The following SNTB1 variants were observed in gnomAD, a reference collection of about 807,000 sequenced individuals.
SNTB1 encodes the protein beta-1-syntrophin.
A neutral mutation model predicts 48.9 loss-of-function variants in SNTB1; 36 were observed. That is an observed-to-expected ratio of 0.74 (90% confidence interval 0.56 to 0.97). The LOEUF (loss-of-function observed/expected upper bound fraction) is 0.97. SNTB1 is among the 50% of genes least tolerant of loss of function. The pLI is 0.00. For missense variants in SNTB1, 786 were observed against 703.4 expected (o/e 1.12, Z -1.33); for synonymous variants, 299 against 294.6 (o/e 1.01, Z -0.15).
Position 120,755,532 on chromosome 8 carries a change from A to T in SNTB1, c.571+55741T>A, listed in dbSNP as rs983645059. 1.6e-4 allele frequency among the ~76,000 whole-genome samples: 25 copies of T among 152,130 alleles called. 2 individuals carry two copies. The highest frequency in any genetic ancestry group is 1.6e-3 in the Admixed American group (24 of 15,262). On this transcript the variant is annotated intron_variant, in intron 1 of 6. Coordinates refer to ENST00000517992, the MANE Select transcript of SNTB1 (RefSeq NM_021021.4). ...ATTTATGTGAAGTACATTTGAGTTCAATGTGAAAAGGGGCAATTTAATGAA... is the reference window on the plus strand; with the variant it reads ...ATTTATGTGAAGTACATTTGAGTTCTATGTGAAAAGGGGCAATTTAATGAA...
chr8:120,670,728 G>A (rs1426265303), intron 2 of SNTB1, among the ~76,000 whole-genome samples: 1 of 152,222 alleles, frequency 6.6e-6, no homozygotes, highest in African/African-American at 2.4e-5. Context: ...GGAGGGGCAA[G>A]ATTTCAGTGG....
intron 2 of SNTB1, among the ~76,000 whole-genome samples, chr8:120,670,631 C>T (rs1817743814): frequency 6.6e-6 from 1 of 152,160 alleles, no homozygotes; most frequent in African/African-American, 2.4e-5. Flanking sequence ...AATATTATAG[C>T]TTTGTAAGTA....
intron 1 of SNTB1, among the ~76,000 whole-genome samples, chr8:120,773,120 A>C (rs1819669525): frequency 6.6e-6 from 1 of 152,242 alleles, no homozygotes; most frequent in Non-Finnish European, 1.5e-5. Context: ...ATTTTAAAAA[A>C]TCAGCAAGGC....
intron 3 of SNTB1, among the ~76,000 whole-genome samples, chr8:120,583,057 C>T (rs1239034335): frequency 1.3e-5 from 2 of 152,016 alleles, no homozygotes; most frequent in African/African-American, 4.8e-5. Flanking sequence ...TTGCTTAAGG[C>T]CAGGTGTTTC....
chr8:120,787,995 T>A (rs1296959551), intron 1 of SNTB1, among the ~76,000 whole-genome samples: 1 of 152,120 alleles, frequency 6.6e-6, no homozygotes. Context: ...TCAGGTAACC[T>A]GTAAAGGAAA....
At chr8:120,603,106 T>C (rs956673439) in intron 3 of SNTB1, among the ~76,000 whole-genome samples, 2 of 152,062 alleles carry the variant, frequency 1.3e-5, no homozygotes, top group Non-Finnish European at 2.9e-5. Flanking sequence ...TAGATTTTTT[T>C]TTTTTTCTTT....
intron 1 of SNTB1, among the ~76,000 whole-genome samples, chr8:120,704,420 C>T (rs996526889): frequency 1.3e-5 from 2 of 151,818 alleles, no homozygotes; most frequent in African/African-American, 4.8e-5. Flanking sequence ...CATGCCACTG[C>T]ACTCCAGCCT....
At chr8:120,773,422 C>G (rs1297472332) in intron 1 of SNTB1, among the ~76,000 whole-genome samples, 1 of 152,158 alleles carries the variant, frequency 6.6e-6, no homozygotes, top group African/African-American at 2.4e-5. Context: ...GAGCAGTACC[C>G]TGGAAGAATT....
At position 120,812,020 on chromosome 8, in the gene SNTB1, T is replaced by G; in HGVS notation, c.-177A>C. 5 of 1,265,636 alleles carry G rather than the reference T, an allele frequency of 4.0e-6. No homozygotes were observed. The highest frequency in any genetic ancestry group is 4.9e-6 in the Non-Finnish European group (5 of 1,011,238). 78.4% of individuals were successfully genotyped at this position (1,265,636 alleles called of 1,614,324 possible). A position where few individuals can be genotyped will look rare whatever the true frequency, so the allele number is the denominator to read the frequency against. ...GACGCACTCGGCGGGAGTTGGCAGC[T>G]GCACTCAGGCTGGTTCCCCCTCGCC... On this transcript the variant is annotated 5_prime_UTR_variant, in exon 1 of 7. Coordinates refer to ENST00000517992, the MANE Select transcript of SNTB1 (RefSeq NM_021021.4).
intron 4 of SNTB1, among the ~76,000 whole-genome samples, chr8:120,559,659 A>T (rs1449189353): frequency 6.6e-6 from 1 of 152,200 alleles, no homozygotes; most frequent in Non-Finnish European, 1.5e-5. Flanking sequence ...CTAGTTTTGA[A>T]CAAAACAAAA....
chr8:120,723,785 A>G (rs1214074521), intron 1 of SNTB1, among the ~76,000 whole-genome samples: 3 of 152,252 alleles, frequency 2.0e-5, no homozygotes, highest in Non-Finnish European at 4.4e-5. Flanking sequence ...CATAAAGAAC[A>G]TGAAATGTGT....
chr8:120,550,542 TAAAAAAA>T (rs11445916), intron 4 of SNTB1, among the ~76,000 whole-genome samples: 2 of 126,674 alleles, frequency 1.6e-5, no homozygotes, highest in African/African-American at 5.9e-5. Flanking sequence ...ACTCTGTCTT[TAAAAAAA>T]AAAAAAAAAA....
chr8:120,637,740 C>T (rs943210088), intron 2 of SNTB1: 4 of 433,630 alleles, frequency 9.2e-6, no homozygotes, highest in Non-Finnish European at 1.8e-5. Context: ...TTCAACAGTT[C>T]ACAGCATAAG....
At chr8:120,578,421 C>T (rs1815985355) in intron 3 of SNTB1, among the ~76,000 whole-genome samples, 1 of 152,120 alleles carries the variant, frequency 6.6e-6, no homozygotes, top group South Asian at 2.1e-4. Context: ...CATTACAAAT[C>T]CAGCTTTCCT....
intron 1 of SNTB1, among the ~76,000 whole-genome samples, chr8:120,807,609 A>G (rs1820356925): frequency 6.6e-6 from 1 of 152,212 alleles, no homozygotes; most frequent in Non-Finnish European, 1.5e-5. Context: ...GGGCTGGGCC[A>G]TGTTACAGCA....
chr8:120,691,210 A>T (rs1300742823), intron 2 of SNTB1, among the ~76,000 whole-genome samples: 2 of 152,164 alleles, frequency 1.3e-5, no homozygotes, highest in Admixed American at 1.3e-4. Flanking sequence ...TCTGGAAGAA[A>T]CCCAAGAAAT....
chr8:120,794,012 G>A (rs1436617344), intron 1 of SNTB1, among the ~76,000 whole-genome samples: 1 of 151,972 alleles, frequency 6.6e-6, no homozygotes, highest in East Asian at 1.9e-4. Context: ...AAAAAATCCT[G>A]CAATTGGTTT....
intron 1 of SNTB1, among the ~76,000 whole-genome samples, chr8:120,722,005 T>C (rs1316457519): frequency 6.6e-6 from 1 of 152,052 alleles, no homozygotes; most frequent in African/African-American, 2.4e-5. Context: ...TTCCTGTCCT[T>C]GTGATAGTTT....
At chr8:120,748,065 T>C (rs966220221) in intron 1 of SNTB1, among the ~76,000 whole-genome samples, 1 of 152,236 alleles carries the variant, frequency 6.6e-6, no homozygotes, top group African/African-American at 2.4e-5. Context: ...TTTAAGTGTT[T>C]GATGCCTGCT....
Sources: gnomAD v4.1 joint callset for allele counts (sites outside exome capture counted in the v4.1 genomes callset) on GRCh38, gnomAD v4.1.1 for gene constraint, MANE v1.5 for transcripts, NCBI Gene and HGNC (gene_info 2026-07-23, HGNC 2026-07-21) for gene names.